The following ZFPM2 variants were observed in gnomAD, a reference collection of about 807,000 sequenced individuals.
ZFPM2 encodes zinc finger protein ZFPM2.
A neutral mutation model predicts 98.6 loss-of-function variants in ZFPM2; 20 were observed. That is an observed-to-expected ratio of 0.20 (90% CI 0.14 to 0.29). The LOEUF (loss-of-function observed/expected upper bound fraction) is 0.29, where lower values mean the gene tolerates loss of function less well. ZFPM2 is among the 10% of genes least tolerant of loss of function. ZFPM2 has a pLI of 1.00. For synonymous variants in ZFPM2, 518 were observed against 502.7 expected (o/e 1.03, Z -0.41); for missense variants, 1,310 against 1,388.6 (o/e 0.94, Z 0.90).
intron 5 of ZFPM2, among the ~76,000 whole-genome samples, chr8:105,750,482 T>C (rs1406821175): frequency 6.6e-6 from 1 of 152,070 alleles, no homozygotes; most frequent in Admixed American, 6.6e-5. Context: ...ATTAATATCA[T>C]TCAAGGAAAA....
chr8:105,550,802 C>T (rs1456782701), intron 3 of ZFPM2, among the ~76,000 whole-genome samples: 1 of 152,136 alleles, frequency 6.6e-6, no homozygotes, highest in Non-Finnish European at 1.5e-5. Context: ...ATGGGTACTT[C>T]AATAAATACA....
intron 5 of ZFPM2, among the ~76,000 whole-genome samples, chr8:105,748,742 G>A (rs1812409716): frequency 6.6e-6 from 1 of 151,960 alleles, no homozygotes; most frequent in African/African-American, 2.4e-5. Flanking sequence ...TAAACTGATA[G>A]CACCACTTTC....
intron 3 of ZFPM2, among the ~76,000 whole-genome samples, chr8:105,485,134 C>T (rs1313658543): frequency 1.3e-5 from 2 of 152,178 alleles, no homozygotes; most frequent in African/African-American, 2.4e-5. Context: ...CATGAAGTGG[C>T]CTCAGTTCCA....
At chr8:105,506,878 G>C (rs1172052918) in intron 3 of ZFPM2, among the ~76,000 whole-genome samples, 1 of 149,618 alleles carries the variant, frequency 6.7e-6, no homozygotes, top group African/African-American at 2.5e-5. Flanking sequence ...GTCCCAGCTA[G>C]TTGGGAGGCT....
At chr8:105,795,503 G>GA (rs1813772160) in intron 6 of ZFPM2, among the ~76,000 whole-genome samples, 1 of 148,206 alleles carries the variant, frequency 6.7e-6, no homozygotes, top group Admixed American at 6.7e-5. Context: ...TTAAAAACTT[G>GA]AAAAAAAGAA....
intron 4 of ZFPM2, among the ~76,000 whole-genome samples, chr8:105,610,332 G>A (rs1816283096): frequency 6.6e-6 from 1 of 152,066 alleles, no homozygotes; most frequent in Admixed American, 6.6e-5. Context: ...GTAAAGAAGA[G>A]CAAAACATTA....
At chr8:105,607,706 G>A (rs1816223374) in intron 4 of ZFPM2, among the ~76,000 whole-genome samples, 1 of 152,028 alleles carries the variant, frequency 6.6e-6, no homozygotes, top group Non-Finnish European at 1.5e-5. Context: ...TCCCAGTTAA[G>A]CCAGCCTCCA....
intron 4 of ZFPM2, among the ~76,000 whole-genome samples, chr8:105,604,348 G>T (rs896038458): frequency 6.6e-6 from 1 of 151,910 alleles, no homozygotes; most frequent in African/African-American, 2.4e-5. Flanking sequence ...CTCTTACCAG[G>T]CCTCAGCAGC....
intron 3 of ZFPM2, among the ~76,000 whole-genome samples, chr8:105,554,140 G>T (rs1398755444): frequency 6.6e-6 from 1 of 152,170 alleles, no homozygotes; most frequent in Non-Finnish European, 1.5e-5. Context: ...AAGGCAATTT[G>T]TAGTCACCAA....
chr8:105,610,464 C>G (rs191902034), intron 4 of ZFPM2, among the ~76,000 whole-genome samples: 8 of 152,034 alleles, frequency 5.3e-5, no homozygotes, highest in Admixed American at 5.2e-4. Flanking sequence ...TTAACTTTTA[C>G]TGAAAATGAG....
At chr8:105,778,914 G>A (rs1018556512) in intron 5 of ZFPM2, among the ~76,000 whole-genome samples, 14 of 134,480 alleles carry the variant, frequency 1.0e-4, no homozygotes, top group Non-Finnish European at 7.9e-5. Context: ...TTTTTTTTAC[G>A]CATACGTCTT....
chr8:105,574,762 A>G (rs1815428272), intron 4 of ZFPM2, among the ~76,000 whole-genome samples: 1 of 151,096 alleles, frequency 6.6e-6, no homozygotes, highest in Non-Finnish European at 1.5e-5. Flanking sequence ...AGGAGCAGTA[A>G]GAGTCCCTCA....
intron 5 of ZFPM2, among the ~76,000 whole-genome samples, chr8:105,641,771 A>G (rs948380059): frequency 2.0e-5 from 3 of 152,102 alleles, no homozygotes; most frequent in Non-Finnish European, 4.4e-5. Context: ...ATTTGTTTTT[A>G]TATCAGCATC....
chr8:105,441,153 T>G (rs1162787995), intron 2 of ZFPM2, among the ~76,000 whole-genome samples: 1 of 151,618 alleles, frequency 6.6e-6, no homozygotes, highest in Admixed American at 6.6e-5. Flanking sequence ...AGACTCCATC[T>G]CAAAACAAAA....
In ZFPM2 at chr8:105,551,012, T is replaced by G. The variant is rs180805891; in HGVS notation, c.302-10351T>G. Among the ~76,000 whole-genome samples the G allele has an allele frequency of 2.5e-3, 388 of 152,318 alleles. 2 individuals carry two copies. The highest frequency in any genetic ancestry group is 8.4e-3 in the African/African-American group (349 of 41,578). ...GAAATGGCTGCAGCATTCTTCAGCTTTAAAAAGGATACTTTTGGAGGTATT... is the reference window on the plus strand; with the variant it reads ...GAAATGGCTGCAGCATTCTTCAGCTGTAAAAAGGATACTTTTGGAGGTATT... On this transcript the variant is annotated intron_variant, in intron 3 of 7. Transcript: ENST00000407775.
intron 5 of ZFPM2, among the ~76,000 whole-genome samples, chr8:105,692,424 A>T (rs142310993): frequency 2.1e-4 from 32 of 152,356 alleles, no homozygotes; most frequent in African/African-American, 7.5e-4. Context: ...GTGCAAATAC[A>T]TAAAAATTTT....
In ZFPM2 at chr8:105,430,901, CTT is replaced by C. The variant is rs570944607; in HGVS notation, c.199+11617_199+11618del. 3.5e-3 allele frequency among the ~76,000 whole-genome samples: 447 copies of C among 128,774 alleles called. 6 individuals carry two copies. Among genetic ancestry groups the C allele is most frequent in the African/African-American group, 0.011 (363 of 33,730 alleles). 84.5% of individuals were successfully genotyped at this position (128,774 alleles called of 152,430 possible). On this transcript the variant is annotated intron_variant, in intron 2 of 7. Transcript: ENST00000407775. ...TTGGCTTGTATCCCATTGTCCACAACTTTTTTTTTTTTTTTTTTTCGAGATGG... is the reference window on the plus strand; with the variant it reads ...TTGGCTTGTATCCCATTGTCCACAACTTTTTTTTTTTTTTTTTCGAGATGG...
intron 1 of ZFPM2, among the ~76,000 whole-genome samples, chr8:105,364,895 G>T (rs1271483859): frequency 6.6e-6 from 1 of 152,070 alleles, no homozygotes; most frequent in East Asian, 1.9e-4. Flanking sequence ...GCCTTCTAGG[G>T]TACTGATAAT....
chr8:105,370,965 C>T (rs2129813577), intron 1 of ZFPM2, among the ~76,000 whole-genome samples: 1 of 152,240 alleles, frequency 6.6e-6, no homozygotes, highest in Middle Eastern at 3.4e-3. Flanking sequence ...TTTGAAGATG[C>T]TGTAATTCGT....
Sources: allele counts gnomAD v4.1 joint callset (sites outside exome capture counted in the v4.1 genomes callset), GRCh38; gene constraint gnomAD v4.1.1; transcripts MANE v1.5; gene names NCBI Gene and HGNC (gene_info 2026-07-23, HGNC 2026-07-21).